LARGE1: variants seen among roughly 807,000 people sequenced by gnomAD.
LARGE1 encodes the protein LARGE xylosyl- and glucuronyltransferase 1, also known as xylosyl- and glucuronyltransferase LARGE1.
LARGE1 carries 43 observed loss-of-function variants against 87.6 expected under a neutral mutation model. That is an observed-to-expected ratio of 0.49 (90% CI 0.38 to 0.63). The LOEUF (loss-of-function observed/expected upper bound fraction) is 0.63. Ranked by LOEUF, LARGE1 falls within the 30% of genes least tolerant of loss-of-function variation. LARGE1 has a pLI of 0.00. For synonymous variants in LARGE1, 434 were observed against 394.6 expected, an observed-to-expected ratio of 1.10 and a Z score of -1.18; for missense variants, 802 against 1,000.2, an observed-to-expected ratio of 0.80 and a Z score of 2.67.
intron 1 of LARGE1, among the ~76,000 whole-genome samples, chr22:33,843,590 C>T (rs935206426): frequency 1.3e-5 from 2 of 151,988 alleles, no homozygotes; most frequent in African/African-American, 4.8e-5. Context: ...AGCAGTCCCA[C>T]CACCATCCTC....
rs1250040390 is a variant in LARGE1, at chr22:33,384,227, G to C, written c.970C>G (p.Leu324Val). The C allele has an allele frequency of 6.2e-7, 1 of 1,614,150 alleles. No individual in the cohort carries two copies. The highest frequency in any genetic ancestry group is 8.5e-7 in the Non-Finnish European group (1 of 1,180,014). ...QMWRLTAERE[L>V]MGMLSTSLAD... is the part of the protein sequence containing the mutation. Reference sequence around the variant, plus strand: ...AAGGATGTAGAGAGCATGCCCATGAGCTCCCTCTCTGCGGTCAGCCTCCAC... The same window carrying C: ...AAGGATGTAGAGAGCATGCCCATGACCTCCCTCTCTGCGGTCAGCCTCCAC... The change falls in exon 8 of 15, where the codon CTC (leucine) becomes GTC (valine). Residue 324 changes from leucine to valine, a missense_variant. By Grantham distance (32) the Leu-to-Val change is conservative. Transcript: ENST00000397394.
intron 1 of LARGE1, among the ~76,000 whole-genome samples, chr22:33,786,434 T>C (rs1383759143): frequency 4.3e-4 from 65 of 152,132 alleles, no homozygotes; most frequent in Non-Finnish European, 4.4e-5. Flanking sequence ...CATCTCAGCC[T>C]CTCCAAAGCT....
intron 2 of LARGE1, among the ~76,000 whole-genome samples, chr22:33,677,890 C>A (rs568428919): frequency 6.6e-6 from 1 of 152,270 alleles, no homozygotes; most frequent in Non-Finnish European, 1.5e-5. Context: ...AAAGATGGAA[C>A]GCGGTCCTCC....
At chr22:33,508,849 GGA>G (rs2070898395) in intron 6 of LARGE1, among the ~76,000 whole-genome samples, 1 of 152,106 alleles carries the variant, frequency 6.6e-6, no homozygotes, top group African/African-American at 2.4e-5. Flanking sequence ...GGGAAGTGTG[GGA>G]AAAAACCCAG....
the LARGE1 span, among the ~76,000 whole-genome samples, chr22:33,141,330 T>C: frequency 2.0e-5 from 3 of 152,172 alleles, no homozygotes; most frequent in Non-Finnish European, 2.9e-5. Context: ...TCAATGTTCC[T>C]TGTAGAACTT....
chr22:33,447,114 G>C (rs1384574695), intron 6 of LARGE1, among the ~76,000 whole-genome samples: 1 of 152,156 alleles, frequency 6.6e-6, no homozygotes, highest in Non-Finnish European at 1.5e-5. Flanking sequence ...GGCTGGTCTT[G>C]AACTCCTGAC....
chr22:33,662,761 T>C (rs2081166296), intron 2 of LARGE1, among the ~76,000 whole-genome samples: 2 of 152,346 alleles, frequency 1.3e-5, no homozygotes, highest in African/African-American at 4.8e-5. Flanking sequence ...GCAAGTACTT[T>C]TGTGAATGTC....
chr22:33,086,021 C>T, the LARGE1 span, among the ~76,000 whole-genome samples: 2 of 152,126 alleles, frequency 1.3e-5, no homozygotes, highest in Admixed American at 6.6e-5. Flanking sequence ...GGCAGTAATT[C>T]ACAACTTTTA....
intron 4 of LARGE1, among the ~76,000 whole-genome samples, chr22:33,606,745 A>G (rs695271): frequency 0.58 from 88,471 of 151,842 alleles, 27,545 homozygotes; most frequent in African/African-American, 0.83. Flanking sequence ...AGACATACCC[A>G]CACTGCCCCT....
intron 11 of LARGE1, among the ~76,000 whole-genome samples, chr22:33,253,913 T>TC (rs1296726169): frequency 1.3e-5 from 2 of 151,502 alleles, no homozygotes; most frequent in African/African-American, 4.8e-5. Context: ...TCTTGGTTTT[T>TC]TTTTTTTTTT....
At chr22:33,871,432 C>A (rs968032612) in intron 1 of LARGE1, among the ~76,000 whole-genome samples, 1 of 152,106 alleles carries the variant, frequency 6.6e-6, no homozygotes, top group Non-Finnish European at 1.5e-5. Context: ...GCCAGGTGCT[C>A]CATCTGGAAG....
chr22:33,093,818 CTTTCTTTTT>C, the LARGE1 span, among the ~76,000 whole-genome samples: 1 of 120,582 alleles, frequency 8.3e-6, no homozygotes, highest in African/African-American at 3.1e-5. Context: ...TTTTTTCTTT[CTTTCTTTTT>C]TTTTTTTTTT....
At chr22:33,100,660 A>G in the LARGE1 span, among the ~76,000 whole-genome samples, 1 of 152,166 alleles carries the variant, frequency 6.6e-6, no homozygotes, top group African/African-American at 2.4e-5. Flanking sequence ...TTGATTCATT[A>G]GGTGCAGAAT....
intron 11 of LARGE1, among the ~76,000 whole-genome samples, chr22:33,168,105 G>C (rs547075541): frequency 6.6e-6 from 1 of 152,094 alleles, no homozygotes; most frequent in Non-Finnish European, 1.5e-5. Context: ...GGGGTCTAAG[G>C]CTTGGACCCG....
intron 2 of LARGE1, among the ~76,000 whole-genome samples, chr22:33,692,073 T>G (rs2082114560): frequency 6.6e-6 from 1 of 152,018 alleles, no homozygotes; most frequent in Non-Finnish European, 1.5e-5. Context: ...AATTATAAAT[T>G]ATAATTAAAA....
intron 1 of LARGE1, among the ~76,000 whole-genome samples, chr22:33,875,586 T>C (rs1314573189): frequency 1.3e-5 from 2 of 152,100 alleles, no homozygotes; most frequent in Non-Finnish European, 2.9e-5. Context: ...GGTGCTAAAA[T>C]CCACAGCAAC....
chr22:33,293,023 C>T (rs1051766746), intron 12 of LARGE1, among the ~76,000 whole-genome samples: 2 of 152,216 alleles, frequency 1.3e-5, no homozygotes, highest in Non-Finnish European at 2.9e-5. Context: ...TTTGTCCATG[C>T]ATAGCTCACA....
intron 1 of LARGE1, among the ~76,000 whole-genome samples, chr22:33,855,608 G>A (rs1430248907): frequency 6.6e-6 from 1 of 152,144 alleles, no homozygotes; most frequent in Non-Finnish European, 1.5e-5. Flanking sequence ...TCAGAGGTGG[G>A]GCTTGGTCCT....
chr22:33,321,097 G>C (rs1936667800), intron 10 of LARGE1: 1 of 152,188 alleles, frequency 6.6e-6, no homozygotes, highest in Non-Finnish European at 1.5e-5. Context: ...TGTAAAATGA[G>C]GACGACAAAA....
Sources: gnomAD v4.1 joint callset for allele counts (sites outside exome capture counted in the v4.1 genomes callset) on GRCh38, gnomAD v4.1.1 for gene constraint, MANE v1.5 for transcripts, NCBI Gene and HGNC (gene_info 2026-07-23, HGNC 2026-07-21) for gene names.